Variants in HAUS4 observed in about 807,000 individuals in gnomAD.
HAUS4 encodes HAUS augmin-like complex subunit 4.
Under a neutral mutation model 50.6 loss-of-function variants are expected in HAUS4, and 34 were observed. The observed-to-expected ratio is 0.67, with a 90% CI of 0.51 to 0.90. The LOEUF is 0.90. Ranked by LOEUF, HAUS4 falls within the 40% of genes least tolerant of loss-of-function variation. HAUS4 has a pLI of 0.00. For synonymous variants in HAUS4, 149 were observed against 161.4 expected, an observed-to-expected ratio of 0.92 and a Z score of 0.58; for missense variants, 370 against 428.7, an observed-to-expected ratio of 0.86 and a Z score of 1.21.
At chr14:22,954,104 A>G (rs1416404859) in intron 2 of HAUS4, among the ~76,000 whole-genome samples, 2 of 152,192 alleles carry the variant, frequency 1.3e-5, no homozygotes, top group African/African-American at 4.8e-5. Context: ...AGTAGAGTTG[A>G]GTAACCCATG....
chr14:22,956,458 C>G (rs192706270), intron 1 of HAUS4, among the ~76,000 whole-genome samples: 1 of 152,146 alleles, frequency 6.6e-6, no homozygotes, highest in Non-Finnish European at 1.5e-5. Flanking sequence ...GAAATGAAGA[C>G]CAACCCAAAT....
chr14:22,955,388 C>T, intron 1 of HAUS4: 1 of 566,924 alleles, frequency 1.8e-6, no homozygotes, highest in Non-Finnish European at 3.1e-6. Flanking sequence ...AAACATGTCA[C>T]ATTCTAAGCA....
intron 6 of HAUS4, among the ~76,000 whole-genome samples, 182 bp downstream of exon 6, chr14:22,950,128 CAAAA>C (rs200256150): frequency 8.9e-6 from 1 of 112,142 alleles, no homozygotes; most frequent in Admixed American, 8.6e-5. Flanking sequence ...AACGCCATCT[CAAAA>C]AAAAAAAAAA....
chr14:22,948,459 G>GC lies in HAUS4; in HGVS notation c.563-447_563-446insG, dbSNP rs1476905079. On this transcript the variant is annotated intron_variant, in intron 6 of 9. Transcript: ENST00000541587. ...AGTTTTTAAAAAAAAAAAAGCGGGG[G>GC]GGGGGAGGGCATCTGGTTCTCATAA... 4.2e-4 allele frequency among the ~76,000 whole-genome samples: 59 copies of GC among 141,054 alleles called. 2 individuals are homozygous for GC. Among genetic ancestry groups the GC allele is most frequent in the East Asian group, 6.7e-4 (3 of 4,462 alleles). The allele number at this position is 141,054 out of a possible 152,430, so 92.5% of individuals were successfully genotyped here.
intron 2 of HAUS4, among the ~76,000 whole-genome samples, chr14:22,953,431 C>G (rs1411261678): frequency 6.6e-6 from 1 of 152,022 alleles, no homozygotes; most frequent in Non-Finnish European, 1.5e-5. Context: ...GTCACCACAG[C>G]TGGCCCAAAT....
intron 8 of HAUS4, 39 bp from the exon 9 acceptor site, chr14:22,947,278 C>T (rs1309309486): frequency 7.2e-7 from 1 of 1,382,764 alleles, no homozygotes; most frequent in Admixed American, 1.7e-5. Flanking sequence ...GCAGGAAGGT[C>T]CCTGATAGCA....
intron 1 of HAUS4, among the ~76,000 whole-genome samples, chr14:22,956,525 G>C (rs963509809): frequency 6.6e-6 from 1 of 152,120 alleles, no homozygotes; most frequent in Non-Finnish European, 1.5e-5. Flanking sequence ...GCGTTTTTTA[G>C]GGTGCCTTTC....
Position 22,952,699 on chromosome 14 carries a change from C to A in HAUS4, c.56-16G>T. ...TTGCTGCACACTTAACATCATGTCC[C>A]CACAGGTACAAAAAAACAAAAAAGG... On this transcript the variant is annotated splice_polypyrimidine_tract_variant and intron_variant, in intron 2 of 9. Coordinates refer to ENST00000541587, the MANE Select transcript of HAUS4 (RefSeq NM_001166269.2). 6.4e-7 allele frequency: 1 copy of A among 1,566,590 alleles called. No homozygotes were observed. The highest frequency in any genetic ancestry group is 8.6e-7 in the Non-Finnish European group (1 of 1,160,234).
chr14:22,951,477 T>G, intron 5 of HAUS4, 78 bp downstream of exon 5: 1 of 1,516,070 alleles, frequency 6.6e-7, no homozygotes, highest in Non-Finnish European at 9.0e-7. Flanking sequence ...ACAATAAAGC[T>G]TGACAAAAAA....
At chr14:22,954,599 G>A (rs187368312) in intron 2 of HAUS4, 7 of 152,460 alleles carry the variant, frequency 4.6e-5, no homozygotes, top group African/African-American at 1.4e-4. Context: ...AGCAGATATT[G>A]AACCAACATT....
chr14:22,955,486 T>C (rs2044843317), intron 1 of HAUS4: 1 of 251,102 alleles, frequency 4.0e-6, no homozygotes, highest in African/African-American at 2.2e-5. Context: ...ACAAGAGGAT[T>C]CTCCACCACC....
intron 5 of HAUS4, among the ~76,000 whole-genome samples, chr14:22,950,747 A>G (rs1220022669): frequency 6.6e-6 from 1 of 152,228 alleles, no homozygotes; most frequent in Non-Finnish European, 1.5e-5. Context: ...GTAAAGACAC[A>G]TATGAACCAG....
At chr14:22,948,266 T>C (rs118076785) in intron 6 of HAUS4, 5,616 of 459,498 alleles carry the variant, frequency 0.012, 51 homozygotes, top group Non-Finnish European at 0.018. Context: ...TTGGGCAACA[T>C]AGTGAGACTC....
rs1458587599 is a variant in HAUS4, at chr14:22,947,701, T to C, written c.739A>G (p.Arg247Gly). 6.2e-7 allele frequency: 1 copy of C among 1,614,138 alleles called. No homozygotes were observed. Among genetic ancestry groups the C allele is most frequent in the Admixed American group, 1.7e-5 (1 of 60,018 alleles). The change falls in exon 8 of 10, where the codon AGG becomes GGG. Residue 247 changes from arginine (R) to glycine (G), a missense_variant. By Grantham distance (125) the Arg-to-Gly change is moderately radical (BLOSUM62 -2). Coordinates refer to ENST00000541587, the MANE Select transcript of HAUS4 (RefSeq NM_001166269.2). Reference protein sequence around the residue: ...VLLRCLTLLQRLLQEHRLKTQ... With the variant: ...VLLRCLTLLQGLLQEHRLKTQ... ...TTCAGCCGGTGTTCTTGAAGAAGCC[T>C]CTGCAGCAAAGTGAGGCAGCGGAGA...
At chr14:22,948,285 TA>T (rs1255455960) in intron 6 of HAUS4, 12 of 381,576 alleles carry the variant, frequency 3.1e-5, no homozygotes, top group Middle Eastern at 7.2e-4. Context: ...TCTGTCTCTA[TA>T]AAAAAAATTC....
chr14:22,948,145 T>C, intron 6 of HAUS4, 132 bp from the exon 7 acceptor site: 5 of 952,922 alleles, frequency 5.2e-6, no homozygotes, highest in Non-Finnish European at 7.6e-6. Context: ...TCTAATAATC[T>C]ATTAAAAATG....
chr14:22,946,323 CT>C lies in HAUS4; in HGVS notation c.*201del, dbSNP rs2044642540. 2.4e-6 allele frequency: 1 copy of C among 415,014 alleles called. No homozygotes were observed. Among genetic ancestry groups the C allele is most frequent in the African/African-American group, 2.6e-5 (1 of 38,720 alleles). 25.7% of individuals were successfully genotyped at this position (415,014 alleles called of 1,614,324 possible). ...TATGCATAAAAATTATATAAATCTC[CT>C]TGCTAGATTTTCCAGAAGAGGCCCA... On this transcript the variant is annotated 3_prime_UTR_variant, in exon 10 of 10. Transcript: ENST00000541587.
rs375816534 is a variant in HAUS4, at chr14:22,950,143, AC to A, written c.562+170del. 2.6e-4 allele frequency among the ~76,000 whole-genome samples: 39 copies of A among 148,526 alleles called. 1 individual carries two copies. The highest frequency in any genetic ancestry group is 4.2e-4 in the Non-Finnish European group (28 of 66,656). On this transcript the variant is annotated intron_variant, in intron 6 of 9. Coordinates refer to ENST00000541587, the MANE Select transcript of HAUS4 (RefSeq NM_001166269.2). Reference sequence around the variant, plus strand: ...AACGCCATCTCAAAAAAAAAAAAAAACAAAAAAACAAAAAGTCCTTGTTTTT... The same window carrying A: ...AACGCCATCTCAAAAAAAAAAAAAAAAAAAAAACAAAAAGTCCTTGTTTTT...
chr14:22,947,590 T>C lies in HAUS4; in HGVS notation c.839+11A>G. On this transcript the variant is annotated intron_variant, in intron 8 of 9. Transcript: ENST00000541587. ...CAGAATCCCTTAAGATCCACAGGGG[T>C]CACAGCTCACCTCAGCTTAAGGATC... The C allele has an allele frequency of 6.2e-7, 1 of 1,613,788 alleles. No homozygotes were observed. Among genetic ancestry groups the C allele is most frequent in the Non-Finnish European group, 8.5e-7 (1 of 1,179,880 alleles).
Sources: gnomAD v4.1 joint callset for allele counts (sites outside exome capture counted in the v4.1 genomes callset) on GRCh38, gnomAD v4.1.1 for gene constraint, MANE v1.5 for transcripts, NCBI Gene and HGNC (gene_info 2026-07-23, HGNC 2026-07-21) for gene names.